The following SLC18A2 variants were observed in gnomAD, a reference collection of about 807,000 sequenced individuals.
The protein encoded by SLC18A2 is solute carrier family 18 member A2.
SLC18A2 carries 33 observed loss-of-function variants against 59.2 expected under a neutral mutation model. The ratio of observed to expected loss-of-function variants is 0.56; its 90% CI spans 0.42 to 0.75. The LOEUF (loss-of-function observed/expected upper bound fraction) is 0.75. Ranked by LOEUF, SLC18A2 falls within the 30% of genes least tolerant of loss-of-function variation. The pLI, the probability that SLC18A2 is intolerant of heterozygous loss-of-function variation, is 0.00. For missense variants in SLC18A2, 569 were observed against 668.6 expected (o/e 0.85, Z 1.64); for synonymous variants, 228 against 253.5 (o/e 0.90, Z 0.95).
At chr10:117,256,616 A>G (rs1230490122) in intron 9 of SLC18A2, among the ~76,000 whole-genome samples, 1 of 152,174 alleles carries the variant, frequency 6.6e-6, no homozygotes, top group African/African-American at 2.4e-5. Context: ...GGATTTGATT[A>G]GGGCAGCAGG....
At chr10:117,267,778 TC>T in intron 13 of SLC18A2, 42 bp downstream of exon 13, 1 of 1,475,948 alleles carries the variant, frequency 6.8e-7, no homozygotes, top group Non-Finnish European at 9.4e-7. Flanking sequence ...AAACCGCTTT[TC>T]CACTAGGAAG....
chr10:117,275,383 T>C (rs1387026555), intron 15 of SLC18A2, among the ~76,000 whole-genome samples: 7 of 152,148 alleles, frequency 4.6e-5, no homozygotes. Flanking sequence ...CTGGGAGTAA[T>C]AGCTAACAGA....
intron 10 of SLC18A2, among the ~76,000 whole-genome samples, chr10:117,264,788 C>T (rs183777126): frequency 5.1e-4 from 78 of 152,298 alleles, no homozygotes; most frequent in African/African-American, 1.9e-3. Flanking sequence ...TGATATCTTA[C>T]TATCCGGACT....
chr10:117,254,206 G>A, intron 5 of SLC18A2, 75 bp downstream of exon 5: 2 of 1,457,148 alleles, frequency 1.4e-6, no homozygotes, highest in South Asian at 1.1e-5. Context: ...GGGAATTCAG[G>A]TATTGGTGGT....
rs1844401398 is a variant in SLC18A2 at position 117,269,679 on chromosome 10, T to C, written c.1187-392T>C. Among the ~76,000 whole-genome samples the C allele has an allele frequency of 6.6e-6, 1 of 152,152 alleles. No individual in the cohort carries two copies. The highest frequency in any genetic ancestry group is 6.5e-5 in the Admixed American group (1 of 15,276). The stretch of plus-strand genomic sequence containing the variant: ...GGACTCAGAGGTTGGTGCCCTCCCC[T>C]CCACATGTGTCAGTGGCAGGCACAT... On this transcript the variant is annotated intron_variant, in intron 13 of 15. Transcript: ENST00000644641. This position sits in a 1 kb window ranked among gnomAD's most constrained non-coding sequence, Gnocchi z 5.1.
intron 12 of SLC18A2, 53 bp downstream of exon 12, chr10:117,267,088 C>T (rs180874169): frequency 4.3e-6 from 6 of 1,396,898 alleles, no homozygotes; most frequent in African/African-American, 1.4e-5. Flanking sequence ...ATAAAACTTG[C>T]GCTTTGGGCA....
intron 10 of SLC18A2, among the ~76,000 whole-genome samples, chr10:117,261,407 A>G (rs7100827): frequency 0.51 from 77,711 of 151,918 alleles, 20,373 homozygotes; most frequent in Non-Finnish European, 0.57. Flanking sequence ...TCCTGGGTTC[A>G]AGCAATTCTC....
intron 13 of SLC18A2, chr10:117,268,280 T>C (rs965811863): frequency 6.5e-6 from 1 of 153,126 alleles, no homozygotes; most frequent in African/African-American, 2.4e-5. Flanking sequence ...AATATACCAA[T>C]TGATCATGAT....
At chr10:117,243,205 T>A (rs1297279723) in intron 2 of SLC18A2, among the ~76,000 whole-genome samples, 1 of 152,248 alleles carries the variant, frequency 6.6e-6, no homozygotes, top group African/African-American at 2.4e-5. Context: ...TAATGAAGTG[T>A]AGTTTTCTGT....
intron 10 of SLC18A2, 91 bp downstream of exon 10, chr10:117,257,983 G>C: frequency 2.5e-6 from 2 of 803,776 alleles, no homozygotes; most frequent in Non-Finnish European, 3.9e-6. Flanking sequence ...TTGCCCTTAT[G>C]GGGATGATAA....
At chr10:117,258,605 A>C (rs912083279) in intron 10 of SLC18A2, among the ~76,000 whole-genome samples, 4 of 152,148 alleles carry the variant, frequency 2.6e-5, no homozygotes, top group African/African-American at 9.7e-5. Flanking sequence ...CATGTACATA[A>C]TTGTAAGTCA....
chr10:117,276,612 T>TA (rs1844494202), intron 15 of SLC18A2, among the ~76,000 whole-genome samples: 1 of 1,214 alleles, frequency 8.2e-4, no homozygotes, highest in East Asian at 0.013. Flanking sequence ...AGACTTCATC[T>TA]CAAAAAAAAA....
At chr10:117,253,943 T>G in intron 4 of SLC18A2, 105 bp from the exon 5 acceptor site, 1 of 983,752 alleles carries the variant, frequency 1.0e-6, no homozygotes, top group Non-Finnish European at 1.6e-6. Flanking sequence ...GTGGCTAACA[T>G]GCAAATGCTC....
rs971632594 is a variant in SLC18A2, at chr10:117,253,960, G to A, written c.524-88G>A. 4.1e-6 allele frequency: 5 copies of A among 1,204,996 alleles called. No individual in the cohort carries two copies. The African/African-American group carries it at 7.4e-5, about 18-fold the overall frequency. 74.6% of individuals were successfully genotyped at this position (1,204,996 alleles called of 1,614,324 possible). On this transcript the variant is annotated intron_variant, in intron 4 of 15. Coordinates refer to ENST00000644641, the MANE Select transcript of SLC18A2 (RefSeq NM_003054.6). ...GGCTAACATGCAAATGCTCCACTGG[G>A]TTAAGGGGGGCTTCTGAAACGTTCC...
chr10:117,276,125 CAA>C (rs34299747), intron 15 of SLC18A2, among the ~76,000 whole-genome samples: 1 of 137,434 alleles, frequency 7.3e-6, no homozygotes. Context: ...GTCATCTCTA[CAA>C]AAAAAAAAAA....
intron 15 of SLC18A2, 97 bp from the exon 16 acceptor site, chr10:117,277,063 CAT>C (rs1236862901): frequency 2.9e-6 from 2 of 684,612 alleles, no homozygotes; most frequent in Non-Finnish European, 4.9e-6. Context: ...AGTAATACTA[CAT>C]AGTTTTCAAA....
At position 117,269,208 on chromosome 10, in the gene SLC18A2, CAT is replaced by C. The variant is rs1235227255; in HGVS notation, c.1187-861_1187-860del. ...ATACACACACACCTACACACATACA[CAT>C]ACACACACATACACAAATACAAGTA... On this transcript the variant is annotated intron_variant, in intron 13 of 15. Transcript: ENST00000644641. The surrounding 1 kb of genome is among the most constrained non-coding windows in gnomAD (Gnocchi z 5.1). Among the ~76,000 whole-genome samples the C allele has an allele frequency of 6.5e-4, 61 of 93,888 alleles. No homozygotes were observed. Among genetic ancestry groups the C allele is most frequent in the African/African-American group, 2.1e-3 (53 of 24,758 alleles). 61.6% of individuals were successfully genotyped at this position (93,888 alleles called of 152,430 possible).
At chr10:117,243,877 C>T in intron 2 of SLC18A2, 94 bp from the exon 3 acceptor site, 2 of 1,002,112 alleles carry the variant, frequency 2.0e-6, no homozygotes, top group South Asian at 1.7e-5. Context: ...TGAGCCACTG[C>T]TCCCTGCCGA....
intron 15 of SLC18A2, among the ~76,000 whole-genome samples, chr10:117,276,364 C>A (rs576450500): frequency 6.6e-6 from 1 of 151,970 alleles, no homozygotes. Flanking sequence ...ATAGTCACAG[C>A]ACTTTGGGAG....
Sources: gnomAD v4.1 joint callset for allele counts (sites outside exome capture counted in the v4.1 genomes callset) on GRCh38, gnomAD v4.1.1 for gene constraint, Gnocchi (gnomAD v3.1) non-coding constraint, MANE v1.5 for transcripts, NCBI Gene and HGNC (gene_info 2026-07-23, HGNC 2026-07-21) for gene names.